GALNT17: variants seen among roughly 807,000 people sequenced by gnomAD.
GALNT17 encodes polypeptide N-acetylgalactosaminyltransferase 17.
Under a neutral mutation model 63.7 loss-of-function variants are expected in GALNT17, and 29 were observed. The ratio of observed to expected loss-of-function variants is 0.46; its 90% confidence interval spans 0.34 to 0.62. GALNT17 has a LOEUF of 0.62. GALNT17 is among the 20% of genes least tolerant of loss of function. The probability of loss-of-function intolerance (pLI) is 0.01; values close to 1 mark genes in which losing one functional copy is unlikely to be tolerated. For synonymous variants in GALNT17, 305 were observed against 318.3 expected (o/e 0.96, Z 0.45); for missense variants, 603 against 799.6 (o/e 0.75, Z 2.97).
At chr7:71,148,161 A>G (rs1407088759) in intron 1 of GALNT17, among the ~76,000 whole-genome samples, 3 of 152,200 alleles carry the variant, frequency 2.0e-5, no homozygotes, top group Non-Finnish European at 4.4e-5. Flanking sequence ...GTCATTTAGG[A>G]ATTAATTTGT....
intron 1 of GALNT17, among the ~76,000 whole-genome samples, chr7:71,163,546 G>C (rs1188664436): frequency 6.6e-6 from 1 of 152,178 alleles, no homozygotes; most frequent in Non-Finnish European, 1.5e-5. Flanking sequence ...TTGGATTTTG[G>C]AGTCATAGTT....
In GALNT17 at chr7:71,377,114, A is replaced by AAAAAAATATATATATATATATATAT; in HGVS notation, c.423-11120_423-11119insAAAAATATATATATATATATATATA. On this transcript the variant is annotated intron_variant, in intron 2 of 10. Coordinates refer to ENST00000333538, the MANE Select transcript of GALNT17 (RefSeq NM_022479.3). ...AAAAAAAAAAAATAAAAATAAAAAA[A>AAAAAAATATATATATATATATATAT]ATATATATATATATATATATATATA... is the stretch of plus-strand genomic sequence containing the variant. 5.2e-5 allele frequency among the ~76,000 whole-genome samples: 3 copies of AAAAAAATATATATATATATATATAT among 57,468 alleles called. 1 individual carries two copies. Among genetic ancestry groups the AAAAAAATATATATATATATATATAT allele is most frequent in the Admixed American group, 5.0e-4 (2 of 3,988 alleles). The allele number at this position is 57,468 out of a possible 152,430, so 37.7% of individuals were successfully genotyped here. A position where few individuals can be genotyped will look rare whatever the true frequency, so the allele number is the denominator to read the frequency against.
At chr7:71,707,951 T>C (rs1371615219) in intron 9 of GALNT17, among the ~76,000 whole-genome samples, 1 of 152,180 alleles carries the variant, frequency 6.6e-6, no homozygotes, top group Non-Finnish European at 1.5e-5. Flanking sequence ...CATCTTGCCA[T>C]GGGTGTATAG....
At chr7:71,580,097 AGATT>A (rs1789608825) in intron 6 of GALNT17, among the ~76,000 whole-genome samples, 1 of 152,142 alleles carries the variant, frequency 6.6e-6, no homozygotes, top group Non-Finnish European at 1.5e-5. Context: ...AGGTATGGAT[AGATT>A]GATAGATTAT....
intron 10 of GALNT17, among the ~76,000 whole-genome samples, chr7:71,711,702 T>TCTCTTCTCTCTCTTCC (rs1313660445): frequency 6.7e-6 from 1 of 149,606 alleles, no homozygotes; most frequent in Non-Finnish European, 1.5e-5. Context: ...TTCTCTCTTC[T>TCTCTTCTCTCTCTTCC]CTCTTCTCTC....
intron 5 of GALNT17, among the ~76,000 whole-genome samples, chr7:71,429,508 A>C (rs1786821138): frequency 1.3e-5 from 2 of 152,196 alleles, no homozygotes; most frequent in Admixed American, 1.3e-4. Flanking sequence ...AAAGAATATA[A>C]ATTCAACAAA....
intron 2 of GALNT17, among the ~76,000 whole-genome samples, chr7:71,377,114 A>AATATATATATATATATATATATATATAT (rs1554362119): frequency 3.5e-5 from 2 of 57,484 alleles, no homozygotes; most frequent in African/African-American, 1.9e-4. Flanking sequence ...AAATAAAAAA[A>AATATATATATATATATATATATATATAT]ATATATATAT....
rs74364570 is a variant in GALNT17, at chr7:71,155,741, A to G, written c.238+22701A>G. Among the ~76,000 whole-genome samples the G allele has an allele frequency of 9.9e-3, 1,509 of 151,830 alleles. 11 individuals carry two copies. Among genetic ancestry groups the G allele is most frequent in the Non-Finnish European group, 0.016 (1,107 of 68,002 alleles). ...TTTCTATAAATAACACATCCTGGAA[A>G]CCTATAGAGTACATCATTCTCTGGA... On this transcript the variant is annotated intron_variant, in intron 1 of 10. Transcript: ENST00000333538.
chr7:71,273,875 G>A (rs1176485680), intron 1 of GALNT17, among the ~76,000 whole-genome samples: 2 of 152,036 alleles, frequency 1.3e-5, no homozygotes, highest in African/African-American at 4.8e-5. Context: ...GAGAGAGAGA[G>A]AGAATGAGAG....
chr7:71,498,078 G>C (rs1034925528), intron 5 of GALNT17, among the ~76,000 whole-genome samples: 1 of 152,216 alleles, frequency 6.6e-6, no homozygotes, highest in Admixed American at 6.5e-5. Flanking sequence ...CAGTGGGGTA[G>C]CAGAGGTTAT....
At chr7:71,420,853 AGGTGTG>A in intron 4 of GALNT17, 49 bp from the exon 5 acceptor site, 1 of 1,590,136 alleles carries the variant, frequency 6.3e-7, no homozygotes, top group Non-Finnish European at 8.6e-7. Context: ...TGGTCTTGGG[AGGTGTG>A]CCTCACGGGA....
intron 5 of GALNT17, among the ~76,000 whole-genome samples, chr7:71,534,175 C>T (rs4272248): frequency 0.12 from 18,264 of 152,122 alleles, 1,705 homozygotes; most frequent in East Asian, 0.49. Context: ...TTAATTGACC[C>T]GCAGTTCAGC....
intron 5 of GALNT17, among the ~76,000 whole-genome samples, chr7:71,458,896 G>T (rs539404697): frequency 6.6e-6 from 1 of 152,194 alleles, no homozygotes; most frequent in South Asian, 2.1e-4. Flanking sequence ...AGGGTAGGGG[G>T]CGTGGCGGGC....
At chr7:71,321,379 A>T (rs1382329377) in intron 1 of GALNT17, among the ~76,000 whole-genome samples, 2 of 152,188 alleles carry the variant, frequency 1.3e-5, no homozygotes, top group African/African-American at 4.8e-5. Context: ...TCCAAGACAG[A>T]CATACGTGTT....
intron 5 of GALNT17, among the ~76,000 whole-genome samples, chr7:71,485,140 C>T (rs1396692589): frequency 7.1e-6 from 1 of 140,612 alleles, no homozygotes; most frequent in African/African-American, 2.7e-5. Flanking sequence ...GGATCTTGCT[C>T]TGTTGCTCAG....
At chr7:71,334,965 G>A (rs1791871916) in intron 1 of GALNT17, among the ~76,000 whole-genome samples, 1 of 152,100 alleles carries the variant, frequency 6.6e-6, no homozygotes, top group African/African-American at 2.4e-5. Flanking sequence ...TCTTCTTGCT[G>A]TAGTTCCTCC....
At chr7:71,679,704 G>A (rs1791209035) in intron 9 of GALNT17, among the ~76,000 whole-genome samples, 1 of 151,942 alleles carries the variant, frequency 6.6e-6, no homozygotes. Context: ...GAGAGCAGAT[G>A]GTGAGAGACC....
chr7:71,408,795 C>T (rs1793374825), intron 3 of GALNT17, among the ~76,000 whole-genome samples: 1 of 152,052 alleles, frequency 6.6e-6, no homozygotes, highest in East Asian at 1.9e-4. Flanking sequence ...ATCGCTTGAG[C>T]TCAGGAGGTC....
At chr7:71,387,039 G>A (rs944322352) in intron 2 of GALNT17, among the ~76,000 whole-genome samples, 14 of 151,870 alleles carry the variant, frequency 9.2e-5, no homozygotes, top group African/African-American at 3.1e-4. Context: ...CATCACTAGG[G>A]GAGTGGCGAG....
Sources: allele counts gnomAD v4.1 joint callset (sites outside exome capture counted in the v4.1 genomes callset), GRCh38; gene constraint gnomAD v4.1.1; transcripts MANE v1.5; gene names NCBI Gene and HGNC (gene_info 2026-07-23, HGNC 2026-07-21).